Variants in CXADR observed in about 807,000 individuals in gnomAD.
The protein encoded by CXADR is CXADR cell adhesion molecule, also known as coxsackievirus and adenovirus receptor.
In CXADR, 20 loss-of-function variants were observed where a neutral mutation model predicts 40.3. The observed-to-expected ratio is 0.50, with a 90% confidence interval of 0.35 to 0.72. CXADR has a LOEUF of 0.72. Ranked by LOEUF, CXADR falls within the 30% of genes least tolerant of loss-of-function variation. The pLI is 0.01. For synonymous variants in CXADR, 150 were observed against 161.3 expected, an observed-to-expected ratio of 0.93 and a Z score of 0.53; for missense variants, 332 against 449.1, an observed-to-expected ratio of 0.74 and a Z score of 2.36.
At chr21:17,628,527 G>A in the CXADR span, among the ~76,000 whole-genome samples, 1 of 151,648 alleles carries the variant, frequency 6.6e-6, no homozygotes, top group Non-Finnish European at 1.5e-5. Flanking sequence ...TTGAGACGGA[G>A]TCTCGCTCTG....
chr21:17,548,799 G>A (rs938799646), intron 2 of CXADR, among the ~76,000 whole-genome samples: 6 of 152,228 alleles, frequency 3.9e-5, no homozygotes, highest in South Asian at 2.1e-4. Context: ...CGGCTTTGCC[G>A]TCTACAGGAG....
At chr21:17,574,863 G>A (rs1434790716), downstream of CXADR, among the ~76,000 whole-genome samples, 1 of 152,052 alleles carries the variant, frequency 6.6e-6, no homozygotes, top group African/African-American at 2.4e-5. Context: ...TAGGAGAGAG[G>A]ACTGGAGATA....
the CXADR span, chr21:17,604,078 A>T: frequency 8.2e-7 from 1 of 1,214,968 alleles, no homozygotes; most frequent in Middle Eastern, 2.8e-4. Context: ...AACTCTATTC[A>T]TTAGGAGATG....
chr21:17,607,422 TAA>T, the CXADR span, among the ~76,000 whole-genome samples: 4 of 152,122 alleles, frequency 2.6e-5, no homozygotes, highest in African/African-American at 9.7e-5. Context: ...AGAGATAAGA[TAA>T]AAAATGACTT....
the CXADR span, among the ~76,000 whole-genome samples, chr21:17,629,655 T>G: frequency 1.3e-5 from 2 of 151,974 alleles, no homozygotes; most frequent in African/African-American, 4.8e-5. Context: ...CCAATATAGG[T>G]CTTTATTTTA....
intron 7 of CXADR, among the ~76,000 whole-genome samples, chr21:17,592,446 A>G (rs2061446212): frequency 6.6e-6 from 1 of 151,958 alleles, no homozygotes; most frequent in African/African-American, 2.4e-5. Context: ...AATACAGATG[A>G]AAAACCTACA....
chr21:17,568,379 C>T lies in CXADR; in HGVS notation c.*2687C>T, dbSNP rs145431136. The T allele has an allele frequency of 1.0e-3, 974 of 939,244 alleles. 32 individuals are homozygous for T. The East Asian group carries it at 0.075, about 72-fold the overall frequency. 58.2% of individuals were successfully genotyped at this position (939,244 alleles called of 1,614,324 possible). A position where few individuals can be genotyped will look rare whatever the true frequency, so the allele number is the denominator to read the frequency against. On this transcript the variant is annotated 3_prime_UTR_variant, in exon 7 of 7. Transcript: ENST00000284878. ...TCCTGACCTCGTGATCTGCCTGCCT[C>T]GGCCTCCCAAAGTGCTGGGATTACA... is the stretch of plus-strand genomic sequence containing the variant.
the CXADR span, among the ~76,000 whole-genome samples, chr21:17,604,478 A>G: frequency 6.6e-6 from 1 of 152,180 alleles, no homozygotes; most frequent in Non-Finnish European, 1.5e-5. Flanking sequence ...GAATAAACAG[A>G]AACAGAAACA....
chr21:17,587,901 A>G (rs1335428174), intron 7 of CXADR, among the ~76,000 whole-genome samples: 1 of 152,102 alleles, frequency 6.6e-6, no homozygotes, highest in East Asian at 1.9e-4. Context: ...ATCTTGAATT[A>G]ATTTTTGTAT....
intron 7 of CXADR, chr21:17,593,105 G>GA: frequency 7.7e-7 from 1 of 1,303,364 alleles, no homozygotes; most frequent in South Asian, 2.4e-5. Flanking sequence ...TACCTTTGGA[G>GA]AAAAATCAAA....
At chr21:17,631,350 C>T in the CXADR span, among the ~76,000 whole-genome samples, 4 of 152,068 alleles carry the variant, frequency 2.6e-5, no homozygotes, top group African/African-American at 9.7e-5. Flanking sequence ...TTTTATCATC[C>T]CACTGCTTTT....
At chr21:17,619,720 T>C in the CXADR span, among the ~76,000 whole-genome samples, 6,717 of 151,128 alleles carry the variant, frequency 0.044, 310 homozygotes, top group East Asian at 0.17. Flanking sequence ...TTTGTCTCCA[T>C]TGAAAATCTG....
intron 1 of CXADR, among the ~76,000 whole-genome samples, chr21:17,515,014 C>G (rs888882848): frequency 6.6e-6 from 1 of 151,188 alleles, no homozygotes; most frequent in African/African-American, 2.4e-5. Flanking sequence ...AGGCACAATT[C>G]TAAGAAATAA....
intron 1 of CXADR, among the ~76,000 whole-genome samples, chr21:17,539,490 C>T (rs1002327224): frequency 6.6e-6 from 1 of 152,210 alleles, no homozygotes; most frequent in Admixed American, 6.5e-5. Context: ...TCACTTCCCT[C>T]TTCTCCTTCC....
the CXADR span, among the ~76,000 whole-genome samples, chr21:17,628,162 A>G: frequency 6.6e-6 from 1 of 152,228 alleles, no homozygotes; most frequent in Non-Finnish European, 1.5e-5. Flanking sequence ...GCACTGTTCC[A>G]AGTTCTGGGC....
intron 1 of CXADR, among the ~76,000 whole-genome samples, chr21:17,520,285 A>G (rs1023810439): frequency 1.3e-5 from 2 of 152,190 alleles, no homozygotes; most frequent in Non-Finnish European, 2.9e-5. Context: ...GCTTTTGCAA[A>G]GACATAGAGA....
Position 17,537,761 on chromosome 21 carries a change from CT to C in CXADR, c.44-9265del, listed in dbSNP as rs532223021. 8.6e-5 allele frequency among the ~76,000 whole-genome samples: 13 copies of C among 152,024 alleles called. No homozygotes were observed. The East Asian group carries it at 2.5e-3, about 29-fold the overall frequency. On this transcript the variant is annotated intron_variant, in intron 1 of 6. Transcript: ENST00000284878. ...AATGCCAAGTGCCCAAAATTTTGCTCTGCTAAAAAAAAACCAGTGATGATCA... is the reference window on the plus strand; with the variant it reads ...AATGCCAAGTGCCCAAAATTTTGCTCGCTAAAAAAAAACCAGTGATGATCA...
chr21:17,580,565 G>A (rs1026245850), intron 7 of CXADR, among the ~76,000 whole-genome samples: 7 of 152,026 alleles, frequency 4.6e-5, no homozygotes, highest in Non-Finnish European at 7.4e-5. Context: ...AGTTGTGATC[G>A]CACTACTGAA....
At chr21:17,632,845 C>T in the CXADR span, among the ~76,000 whole-genome samples, 4 of 151,934 alleles carry the variant, frequency 2.6e-5, no homozygotes, top group Admixed American at 6.5e-5. Context: ...CCAGCCTGGG[C>T]GACAGAGTGA....
Sources: allele counts gnomAD v4.1 joint callset (sites outside exome capture counted in the v4.1 genomes callset), GRCh38; gene constraint gnomAD v4.1.1; transcripts MANE v1.5; gene names NCBI Gene and HGNC (gene_info 2026-07-23, HGNC 2026-07-21).